Variants in SOX6 observed in about 807,000 individuals in gnomAD.
SOX6 encodes the protein SRY-box transcription factor 6, also known as transcription factor SOX-6.
Under a neutral mutation model 97.8 loss-of-function variants are expected in SOX6, and 11 were observed. That is an observed-to-expected ratio of 0.11 (90% CI 0.07 to 0.19). The LOEUF is 0.19. Ranked by LOEUF, SOX6 falls within the 10% of genes least tolerant of loss-of-function variation. The probability of loss-of-function intolerance (pLI) is 1.00; values close to 1 mark genes in which losing one functional copy is unlikely to be tolerated. For synonymous variants in SOX6, 360 were observed against 371.4 expected, an observed-to-expected ratio of 0.97 and a Z score of 0.35; for missense variants, 810 against 1,039.5, an observed-to-expected ratio of 0.78 and a Z score of 3.04.
chr11:16,639,948 T>A (rs1848869013), intron 3 of SOX6, among the ~76,000 whole-genome samples: 1 of 152,134 alleles, frequency 6.6e-6, no homozygotes, highest in Non-Finnish European at 1.5e-5. Flanking sequence ...AACACTATGT[T>A]GAATAGGAGT....
At chr11:16,592,509 C>A (rs1848165488) in intron 4 of SOX6, among the ~76,000 whole-genome samples, 1 of 151,734 alleles carries the variant, frequency 6.6e-6, no homozygotes. Context: ...ATACATATTA[C>A]TTAAATACAT....
chr11:16,389,210 G>C, intron 1 of SOX6, among the ~76,000 whole-genome samples: 1 of 152,050 alleles, frequency 6.6e-6, no homozygotes, highest in East Asian at 1.9e-4. Context: ...AGCCTCTCAA[G>C]TAGCTAGGAC....
chr11:16,514,952 G>A (rs1282476236), intron 4 of SOX6, among the ~76,000 whole-genome samples: 1 of 151,856 alleles, frequency 6.6e-6, no homozygotes, highest in African/African-American at 2.4e-5. Flanking sequence ...ATCATTGTTG[G>A]ACACTTGGGT....
At chr11:16,309,990 C>A (rs1001050820) in intron 3 of SOX6, among the ~76,000 whole-genome samples, 1 of 152,070 alleles carries the variant, frequency 6.6e-6, no homozygotes, top group Non-Finnish European at 1.5e-5. Context: ...CACCTTCTAG[C>A]TCCACAGTTC....
rs1220474645 is a variant in SOX6 at position 15,969,831 on chromosome 11, C to T, written c.*2978G>A. On this transcript the variant is annotated 3_prime_UTR_variant, in exon 16 of 16. Transcript: ENST00000683767. ...CTTAATTTCCATGGATATTTAGAGC[C>T]AAACTTGGCTAATAAATAAACTGCT... 2 of 150,318 alleles carry T rather than the reference C, an allele frequency of 1.3e-5. No homozygotes were observed. The highest frequency in any genetic ancestry group is 2.9e-5 in the Non-Finnish European group (2 of 67,998). The allele number at this position is 150,318 out of a possible 1,614,324, so 9.3% of individuals were successfully genotyped here.
chr11:16,027,765 C>T (rs191103975), intron 12 of SOX6, among the ~76,000 whole-genome samples: 5 of 152,258 alleles, frequency 3.3e-5, no homozygotes, highest in Admixed American at 6.5e-5. Flanking sequence ...GAGAGGGGCA[C>T]GTGTGGGAAC....
chr11:16,226,998 T>C (rs1369404391), intron 4 of SOX6, among the ~76,000 whole-genome samples: 1 of 152,182 alleles, frequency 6.6e-6, no homozygotes, highest in East Asian at 1.9e-4. Context: ...AGACCAAGAT[T>C]CAAACCCTAC....
At chr11:16,422,623 T>C (rs1392942851) in intron 1 of SOX6, among the ~76,000 whole-genome samples, 1 of 152,230 alleles carries the variant, frequency 6.6e-6, no homozygotes, top group Non-Finnish European at 1.5e-5. Flanking sequence ...TGTACCATTA[T>C]ACACTTTATT....
chr11:16,671,364 G>A (rs1847846406), intron 3 of SOX6, among the ~76,000 whole-genome samples: 1 of 152,174 alleles, frequency 6.6e-6, no homozygotes, highest in Non-Finnish European at 1.5e-5. Context: ...AGATTCAGGG[G>A]ACTGGCAAAA....
intron 3 of SOX6, among the ~76,000 whole-genome samples, chr11:16,709,147 T>C (rs964874098): frequency 1.3e-5 from 2 of 152,160 alleles, no homozygotes; most frequent in African/African-American, 2.4e-5. Context: ...GATTGCATCA[T>C]TGGAGCGGAT....
intron 3 of SOX6, among the ~76,000 whole-genome samples, chr11:16,658,576 C>T (rs370570399): frequency 9.9e-5 from 15 of 152,100 alleles, no homozygotes; most frequent in East Asian, 7.8e-4. Flanking sequence ...GGCGTGGTGG[C>T]GGGCACCTGT....
At chr11:16,251,056 C>A (rs1853494370) in intron 3 of SOX6, among the ~76,000 whole-genome samples, 1 of 151,842 alleles carries the variant, frequency 6.6e-6, no homozygotes, top group Admixed American at 6.6e-5. Context: ...ATCTATGGGG[C>A]AAAAATAAAC....
chr11:16,365,359 G>C (rs1022209321), intron 1 of SOX6, among the ~76,000 whole-genome samples: 2 of 151,428 alleles, frequency 1.3e-5, no homozygotes, highest in African/African-American at 4.9e-5. Flanking sequence ...GTATAAAATA[G>C]TAATTATTAT....
chr11:16,018,122 A>G (rs961345542), intron 12 of SOX6, among the ~76,000 whole-genome samples: 3 of 152,116 alleles, frequency 2.0e-5, no homozygotes, highest in Non-Finnish European at 2.9e-5. Flanking sequence ...TTAAATAAAG[A>G]TATTTAAATG....
chr11:16,120,689 A>G (rs913982145), intron 6 of SOX6, among the ~76,000 whole-genome samples: 4 of 152,056 alleles, frequency 2.6e-5, no homozygotes, highest in African/African-American at 9.7e-5. Flanking sequence ...ATTATTTAAC[A>G]TGCTAAACAA....
chr11:16,138,604 G>T (rs1850039410), intron 6 of SOX6, among the ~76,000 whole-genome samples: 1 of 151,420 alleles, frequency 6.6e-6, no homozygotes, highest in African/African-American at 2.4e-5. Context: ...CAATGTGCAG[G>T]TTTATTACAT....
At chr11:16,167,074 C>T (rs1404756156) in intron 6 of SOX6, among the ~76,000 whole-genome samples, 2 of 152,142 alleles carry the variant, frequency 1.3e-5, no homozygotes, top group Non-Finnish European at 2.9e-5. Context: ...ACTGCTTACT[C>T]AATATCTCCA....
At chr11:16,618,534 C>G (rs1003313529) in intron 3 of SOX6, among the ~76,000 whole-genome samples, 1 of 151,758 alleles carries the variant, frequency 6.6e-6, no homozygotes, top group African/African-American at 2.4e-5. Context: ...GCAACTTATT[C>G]TCCTTGATAG....
chr11:16,229,598 C>G (rs1852789846), intron 4 of SOX6, among the ~76,000 whole-genome samples: 1 of 151,588 alleles, frequency 6.6e-6, no homozygotes. Flanking sequence ...TCTATAACAG[C>G]AAATAAATGG....
Sources: gnomAD v4.1 joint callset for allele counts (sites outside exome capture counted in the v4.1 genomes callset) on GRCh38, gnomAD v4.1.1 for gene constraint, MANE v1.5 for transcripts, NCBI Gene and HGNC (gene_info 2026-07-23, HGNC 2026-07-21) for gene names.